The following SCNN1A variants were observed in gnomAD, a reference collection of about 807,000 sequenced individuals.
SCNN1A encodes sodium channel epithelial 1 subunit alpha.
SCNN1A carries 65 observed loss-of-function variants against 68.6 expected under a neutral mutation model. The observed-to-expected ratio is 0.95, with a 90% CI of 0.78 to 1.16. The LOEUF is 1.16. SCNN1A is among the 50% of genes most tolerant of loss of function. SCNN1A has a pLI of 0.00. For synonymous variants in SCNN1A, 357 were observed against 353.3 expected (o/e 1.01, Z -0.12); for missense variants, 880 against 865.9 (o/e 1.02, Z -0.20).
At chr12:6,365,457 C>G (rs1948660230) in intron 2 of SCNN1A, among the ~76,000 whole-genome samples, 1 of 152,172 alleles carries the variant, frequency 6.6e-6, no homozygotes, top group Admixed American at 6.5e-5. Flanking sequence ...TTAGTATTTA[C>G]TATAAAGCCA....
In SCNN1A at chr12:6,360,986, A is replaced by G. The variant is rs577334415; in HGVS notation, c.875+1065T>C. 2.0e-5 allele frequency among the ~76,000 whole-genome samples: 3 copies of G among 152,352 alleles called. No individual in the cohort carries two copies. In the South Asian group the frequency reaches 6.2e-4, roughly 32 times the overall value. On this transcript the variant is annotated intron_variant, in intron 4 of 12. Transcript: ENST00000228916. ...ACAAGAGTAATGAAACCCATCATTT[A>G]CTGTGGTCTATAAAGTGCCCTCACG...
At chr12:6,371,835 T>C (rs188945586) in intron 2 of SCNN1A, among the ~76,000 whole-genome samples, 7 of 152,284 alleles carry the variant, frequency 4.6e-5, no homozygotes, top group African/African-American at 9.6e-5. Context: ...TGTGTCTCAC[T>C]CTGTGGCTCA....
chr12:6,375,448 A>T, intron 1 of SCNN1A, 57 bp downstream of exon 1: 2 of 1,535,032 alleles, frequency 1.3e-6, no homozygotes, highest in Admixed American at 2.0e-5. Context: ...TTGCGGCTGG[A>T]CTGGGACTGG....
chr12:6,354,945 G>A, intron 6 of SCNN1A, 97 bp from the exon 7 acceptor site: 1 of 1,032,198 alleles, frequency 9.7e-7, no homozygotes, highest in Middle Eastern at 2.0e-4. Context: ...ACACCTGCCA[G>A]CCCCTCCTAC....
intron 8 of SCNN1A, among the ~76,000 whole-genome samples, chr12:6,350,740 G>C (rs1401790275): frequency 6.6e-6 from 1 of 152,112 alleles, no homozygotes; most frequent in Non-Finnish European, 1.5e-5. Context: ...GGGAGGCTGA[G>C]GCAGGATAAT....
At position 6,374,314 on chromosome 12, in the gene SCNN1A, T is replaced by C; in HGVS notation, c.416+54A>G. On this transcript the variant is annotated intron_variant, in intron 2 of 12. Transcript: ENST00000228916. This position sits in a 1 kb window ranked among gnomAD's most constrained non-coding sequence, Gnocchi z 6.2. ...CTGCCCAGTGAGCACCTCAGCACCC[T>C]GGACCACCCTTCCAGGCGCAGGCAC... is the stretch of plus-strand genomic sequence containing the variant. 6.3e-7 allele frequency: 1 copy of C among 1,595,338 alleles called. No individual in the cohort carries two copies. Among genetic ancestry groups the C allele is most frequent in the Non-Finnish European group, 8.6e-7 (1 of 1,168,508 alleles).
intron 2 of SCNN1A, among the ~76,000 whole-genome samples, chr12:6,365,421 AG>A (rs1948659867): frequency 2.0e-5 from 3 of 152,258 alleles, no homozygotes; most frequent in Admixed American, 1.3e-4. Context: ...AGAAGAGCCA[AG>A]TTGGAAAATG....
At position 6,362,036 on chromosome 12, in the gene SCNN1A, G is replaced by C; in HGVS notation, c.875+15C>G. 1 of 1,613,736 alleles carries C rather than the reference G, an allele frequency of 6.2e-7. No individual in the cohort carries two copies. The highest frequency in any genetic ancestry group is 8.5e-7 in the Non-Finnish European group (1 of 1,179,746). ...GACCCCGCGGAGAGCAAGGAGCCAGGCAGGACTGACTCACGCCTGGTTGCA... is the reference window on the plus strand; with the variant it reads ...GACCCCGCGGAGAGCAAGGAGCCAGCCAGGACTGACTCACGCCTGGTTGCA... On this transcript the variant is annotated intron_variant, in intron 4 of 12. Coordinates refer to ENST00000228916, the MANE Select transcript of SCNN1A (RefSeq NM_001038.6).
In SCNN1A at chr12:6,363,674, GTCCAGCTCC is replaced by G. The variant is rs760971071; in HGVS notation, c.444_452del (p.Glu148_Leu150del). On this transcript the variant is annotated inframe_deletion, in exon 3 of 13. Coordinates refer to ENST00000228916, the MANE Select transcript of SCNN1A (RefSeq NM_001038.6). ...CAAAGAGCGTCTGCTCTGTGATGCG[GTCCAGCTCC>G]TCCAGCTCCTCTTTAATTTCCGGGT... The G allele has an allele frequency of 8.7e-6, 14 of 1,605,154 alleles. No homozygotes were observed. The highest frequency in any genetic ancestry group is 2.7e-5 in the African/African-American group (2 of 74,110).
At chr12:6,358,859 CAAAAA>C (rs35673511) in intron 4 of SCNN1A, among the ~76,000 whole-genome samples, 5 of 83,600 alleles carry the variant, frequency 6.0e-5, no homozygotes, top group African/African-American at 3.7e-5. Context: ...GAACCTGTCT[CAAAAA>C]AAAAAAAAAA....
chr12:6,364,580 C>T (rs1948643484), intron 2 of SCNN1A, among the ~76,000 whole-genome samples: 2 of 151,914 alleles, frequency 1.3e-5, no homozygotes, highest in South Asian at 4.2e-4. Context: ...ACGGTGAAAC[C>T]CCGTCTTTAC....
chr12:6,362,640 T>C (rs1948599503), intron 3 of SCNN1A, among the ~76,000 whole-genome samples: 1 of 152,000 alleles, frequency 6.6e-6, no homozygotes, highest in African/African-American at 2.4e-5. Flanking sequence ...GGAACTTCCC[T>C]GTCTCCTTTC....
upstream of SCNN1A, chr12:6,377,198 C>G: frequency 1.3e-6 from 2 of 1,507,214 alleles, no homozygotes; most frequent in Non-Finnish European, 1.8e-6. Flanking sequence ...CTTGCGACTT[C>G]TTAAAGTGAA....
intron 5 of SCNN1A, 60 bp from the exon 6 acceptor site, chr12:6,355,495 A>T (rs941060198): frequency 4.1e-5 from 65 of 1,575,234 alleles, no homozygotes; most frequent in Non-Finnish European, 1.1e-5. Context: ...GAGTTAGGAG[A>T]TGGAAATCCA....
intron 2 of SCNN1A, 21 bp from the exon 3 acceptor site, chr12:6,363,731 G>A: frequency 6.3e-7 from 1 of 1,586,508 alleles, no homozygotes; most frequent in Non-Finnish European, 8.6e-7. Flanking sequence ...GAGGGGAAGA[G>A]GGTCAGGCCA....
chr12:6,360,640 G>A (rs1247074637), intron 4 of SCNN1A, among the ~76,000 whole-genome samples: 9 of 152,352 alleles, frequency 5.9e-5, no homozygotes, highest in Middle Eastern at 3.4e-3. Context: ...GTGACACCTT[G>A]CCCTGTGGCC....
intron 11 of SCNN1A, 40 bp from the exon 12 acceptor site, chr12:6,348,842 A>T (rs892883380): frequency 1.9e-6 from 3 of 1,607,622 alleles, no homozygotes; most frequent in Non-Finnish European, 2.6e-6. Context: ...ATGGTAGAGG[A>T]TGAATTTCCT....
At position 6,362,077 on chromosome 12, in the gene SCNN1A, G is replaced by A. The variant is rs770607083; in HGVS notation, c.849C>T (p.Arg283=). The change falls in exon 4 of 13, where the codon CGC becomes CGT. Residue 283 remains arginine, a synonymous_variant. Coordinates refer to ENST00000228916, the MANE Select transcript of SCNN1A (RefSeq NM_001038.6). ...CCTGGTTGCAGGAGACCTGGTTGAA[G>A]CGGCAGGCGAAGATGAAGTTGCCCA... ...DTLGNFIFAC[R]FNQVSCNQAN... The A allele has an allele frequency of 1.9e-6, 3 of 1,614,238 alleles. No individual in the cohort carries two copies. Among genetic ancestry groups the A allele is most frequent in the Non-Finnish European group, 2.5e-6 (3 of 1,180,048 alleles).
At chr12:6,356,160 A>G in intron 4 of SCNN1A, 1 of 501,090 alleles carries the variant, frequency 2.0e-6, no homozygotes, top group East Asian at 3.7e-5. Flanking sequence ...GCCCAAGGTC[A>G]CACATCTACC....
Sources: allele counts gnomAD v4.1 joint callset (sites outside exome capture counted in the v4.1 genomes callset), GRCh38; gene constraint gnomAD v4.1.1; non-coding constraint Gnocchi (gnomAD v3.1); transcripts MANE v1.5; gene names NCBI Gene and HGNC (gene_info 2026-07-23, HGNC 2026-07-21).